Variants in PAXBP1 observed in about 807,000 individuals in gnomAD.
The protein encoded by PAXBP1 is PAX3 and PAX7 binding protein 1.
In PAXBP1, 44 loss-of-function variants were observed where a neutral mutation model predicts 119.9. The ratio of observed to expected loss-of-function variants is 0.37; its 90% CI spans 0.29 to 0.47. PAXBP1 has a LOEUF of 0.47. Ranked by LOEUF, PAXBP1 falls within the 20% of genes least tolerant of loss-of-function variation. The pLI is 0.99. For missense variants in PAXBP1, 898 were observed against 1,134.1 expected (o/e 0.79, Z 2.99); for synonymous variants, 393 against 406.6 (o/e 0.97, Z 0.40).
intron 2 of PAXBP1, among the ~76,000 whole-genome samples, chr21:32,767,891 C>A (rs1391836712): frequency 6.6e-6 from 1 of 152,190 alleles, no homozygotes; most frequent in Non-Finnish European, 1.5e-5. Flanking sequence ...CCTGACCTTT[C>A]TTTTACTCTC....
At chr21:32,738,409 A>C in intron 15 of PAXBP1, 90 bp from the exon 16 acceptor site, 2 of 1,072,626 alleles carry the variant, frequency 1.9e-6, no homozygotes, top group Non-Finnish European at 1.3e-6. Context: ...TATGAAATAC[A>C]GCAGACCATG....
chr21:32,748,791 G>C lies in PAXBP1; in HGVS notation c.1724-93C>G, dbSNP rs1188525779. The C allele has an allele frequency of 2.7e-6, 3 of 1,126,654 alleles. No individual in the cohort carries two copies. The East Asian group carries it at 7.4e-5, about 28-fold the overall frequency. The allele number at this position is 1,126,654 out of a possible 1,614,324, so 69.8% of individuals were successfully genotyped here. ...TTTCAGTGTTTTCTTTGTAGCTTCA[G>C]TATCAGAAGATACGCTCATTAACAA... On this transcript the variant is annotated intron_variant, in intron 10 of 17. Transcript: ENST00000331923.
At chr21:32,748,825 T>G in intron 10 of PAXBP1, 127 bp from the exon 11 acceptor site, 1 of 728,716 alleles carries the variant, frequency 1.4e-6, no homozygotes, top group Non-Finnish European at 2.1e-6. Context: ...AAAGGGCCAA[T>G]TGTTAGTCAC....
intron 15 of PAXBP1, chr21:32,742,192 TTACAGA>T (rs2043796584): frequency 6.6e-6 from 1 of 152,170 alleles, no homozygotes; most frequent in Non-Finnish European, 1.5e-5. Context: ...TCATCAGAAT[TTACAGA>T]ACTATACACT....
At chr21:32,743,219 A>T (rs1430377685) in intron 15 of PAXBP1, 29 bp downstream of exon 15, 1 of 1,525,258 alleles carries the variant, frequency 6.6e-7, no homozygotes. Flanking sequence ...ACGAAATCTG[A>T]GTCTTTTAGA....
At chr21:32,741,841 A>C (rs1297402338) in intron 15 of PAXBP1, among the ~76,000 whole-genome samples, 1 of 152,212 alleles carries the variant, frequency 6.6e-6, no homozygotes, top group Non-Finnish European at 1.5e-5. Context: ...TCAAAGAAAA[A>C]GTTCTTCTAA....
rs774814037 is a variant in PAXBP1, at chr21:32,759,893, G to A, written c.1077C>T (p.Ala359=). The A allele has an allele frequency of 5.0e-6, 8 of 1,613,508 alleles. No individual in the cohort carries two copies. The highest frequency in any genetic ancestry group is 6.8e-6 in the Non-Finnish European group (8 of 1,179,530). The change falls in exon 6 of 18, where the codon GCC becomes GCT. Residue 359 remains alanine, a synonymous_variant. Coordinates refer to ENST00000331923, the MANE Select transcript of PAXBP1 (RefSeq NM_016631.4). The part of the protein sequence containing the change: ...SSYGIPYSYT[A]YGSSDAKSQK... ...GAGATTTGGCATCTGATGATCCATA[G>A]GCCGTATAACTATAAGGAATGCCAT...
At chr21:32,771,240 TG>T in intron 1 of PAXBP1, 85 bp downstream of exon 1, 1 of 1,239,476 alleles carries the variant, frequency 8.1e-7, no homozygotes, top group Non-Finnish European at 1.1e-6. Flanking sequence ...GCTCCGGGGC[TG>T]GGCGTCCAGA....
chr21:32,756,942 A>G (rs2044053011), intron 7 of PAXBP1: 1 of 152,274 alleles, frequency 6.6e-6, no homozygotes, highest in Non-Finnish European at 1.5e-5. Flanking sequence ...TTTCTTAACA[A>G]TATTGATTTA....
intron 15 of PAXBP1, chr21:32,741,646 G>C (rs770677612): frequency 4.3e-6 from 3 of 694,362 alleles, no homozygotes; most frequent in Non-Finnish European, 7.8e-6. Context: ...AGGTAGGTCA[G>C]ATGTTTTATG....
chr21:32,759,819 G>A lies in PAXBP1; in HGVS notation c.1151C>T (p.Thr384Ile). 1 of 1,614,032 alleles carries A rather than the reference G, an allele frequency of 6.2e-7. No individual in the cohort carries two copies. Among genetic ancestry groups the A allele is most frequent in the Non-Finnish European group, 8.5e-7 (1 of 1,179,920 alleles). ...VPFKTPSNEM[T>I]PVTIDLVKKQ... is the part of the protein sequence containing the mutation. The stretch of plus-strand genomic sequence containing the variant: ...CTTTACCAAATCAATAGTAACGGGA[G>A]TCATCTCATTACTGGGAGTTTTGAA... Residue 384 changes from threonine (T) to isoleucine (I), a missense_variant, in exon 6 of 18, where the codon ACT (threonine) becomes ATT (isoleucine). By Grantham distance (89) the Thr-to-Ile change is moderately conservative. This residue lies in a region of PAXBP1 where 599 missense variants were observed against 852.7 expected (regional missense o/e 0.70). Coordinates refer to ENST00000331923, the MANE Select transcript of PAXBP1 (RefSeq NM_016631.4).
In PAXBP1 at chr21:32,751,207, T is replaced by A. The variant is rs1569159977; in HGVS notation, c.1519A>T (p.Met507Leu). Reference protein sequence around the residue: ...EFSSHSNKALMAPNLDSFGRD... With the variant: ...EFSSHSNKALLAPNLDSFGRD... The stretch of plus-strand genomic sequence containing the variant: ...CCAAAGGAGTCAAGATTTGGTGCCA[T>A]CAGAGCTTTGTCTGCAAAACAACAA... The change falls in exon 9 of 18, where the codon ATG becomes TTG. Residue 507 changes from methionine to leucine, a missense_variant. Physicochemically the swap from Met to Leu is conservative, Grantham distance 15. Transcript: ENST00000331923. 10 of 1,614,056 alleles carry A rather than the reference T, an allele frequency of 6.2e-6. No individual in the cohort carries two copies. Among genetic ancestry groups the A allele is most frequent in the Non-Finnish European group, 7.6e-6 (9 of 1,179,934 alleles).
chr21:32,750,888 T>C lies in PAXBP1; in HGVS notation c.1723+29A>G, dbSNP rs371287112. 359 of 1,519,332 alleles carry C rather than the reference T, an allele frequency of 2.4e-4. 2 individuals carry two copies. The highest frequency in any genetic ancestry group is 1.7e-3 in the Middle Eastern group (10 of 5,814). 94.1% of individuals were successfully genotyped at this position (1,519,332 alleles called of 1,614,324 possible). On this transcript the variant is annotated intron_variant, in intron 10 of 17. Transcript: ENST00000331923. ...ACCCAAGTAGAAACTAAACTGATGA[T>C]GAGTCTTATTTCCAAATAAATGTCT...
intron 15 of PAXBP1, among the ~76,000 whole-genome samples, chr21:32,740,316 T>G (rs1216466100): frequency 6.6e-6 from 1 of 152,234 alleles, no homozygotes; most frequent in East Asian, 1.9e-4. Context: ...TTCTTACATA[T>G]TGATTGATGT....
chr21:32,740,884 T>C (rs1015723386), intron 15 of PAXBP1, among the ~76,000 whole-genome samples: 1 of 151,990 alleles, frequency 6.6e-6, no homozygotes, highest in African/African-American at 2.4e-5. Context: ...ATTCAATGCT[T>C]AGTAAGAATA....
chr21:32,748,636 C>G lies in PAXBP1; in HGVS notation c.1786G>C (p.Asp596His). The G allele has an allele frequency of 6.2e-7, 1 of 1,613,582 alleles. No homozygotes were observed. The highest frequency in any genetic ancestry group is 8.5e-7 in the Non-Finnish European group (1 of 1,179,756). Residue 596 changes from aspartate to histidine, a missense_variant, in exon 11 of 18, where the codon GAC (aspartate) becomes CAC (histidine). Asp to His is a moderately conservative substitution (Grantham distance 81, BLOSUM62 -1). This residue lies in a region of PAXBP1 where 599 missense variants were observed against 852.7 expected (regional missense o/e 0.70). Transcript: ENST00000331923. ...GCTTCAAACTGTGATTTAATACAGT[C>G]AATTGAATAGAAACTTTCAAGGACA... ...EDVLESFYSI[D>H]CIKSQFEAWR...
At chr21:32,747,320 G>A (rs2043889273) in intron 11 of PAXBP1, among the ~76,000 whole-genome samples, 1 of 152,220 alleles carries the variant, frequency 6.6e-6, no homozygotes, top group Non-Finnish European at 1.5e-5. Context: ...GGAATCAAAT[G>A]AGGTGAGATG....
chr21:32,754,234 C>CTAA (rs2044007376), intron 8 of PAXBP1, among the ~76,000 whole-genome samples: 1 of 152,154 alleles, frequency 6.6e-6, no homozygotes, highest in Non-Finnish European at 1.5e-5. Flanking sequence ...GAAAGAATAA[C>CTAA]ATTAGAGCTA....
chr21:32,755,452 C>A, intron 7 of PAXBP1, 99 bp from the exon 8 acceptor site: 1 of 1,474,214 alleles, frequency 6.8e-7, no homozygotes. Flanking sequence ...AGTACCCTCT[C>A]TATGGACAGA....
Sources: gnomAD v4.1 joint callset for allele counts (sites outside exome capture counted in the v4.1 genomes callset) on GRCh38, gnomAD v4.1.1 for gene constraint, gnomAD v4.1.1 regional missense constraint, MANE v1.5 for transcripts, NCBI Gene and HGNC (gene_info 2026-07-23, HGNC 2026-07-21) for gene names.